Variants in CD109 observed in about 807,000 individuals in gnomAD.
CD109 encodes CD109 molecule, also known as CD109 antigen.
CD109 carries 149 observed loss-of-function variants against 165.8 expected under a neutral mutation model. That is an observed-to-expected ratio of 0.90 (90% CI 0.79 to 1.03). The LOEUF (loss-of-function observed/expected upper bound fraction) is 1.03. CD109 is among the 50% of genes least tolerant of loss of function. CD109 has a pLI of 0.00. For synonymous variants in CD109, 585 were observed against 592.1 expected (o/e 0.99, Z 0.18); for missense variants, 1,712 against 1,677.8 (o/e 1.02, Z -0.36).
chr6:73,728,385 T>G (rs1030264273), intron 3 of CD109, among the ~76,000 whole-genome samples: 10 of 152,218 alleles, frequency 6.6e-5, no homozygotes. Flanking sequence ...CATTTGAAGG[T>G]GACATACTGA....
At chr6:73,718,994 A>G (rs183577572) in intron 2 of CD109, among the ~76,000 whole-genome samples, 113 of 152,364 alleles carry the variant, frequency 7.4e-4, no homozygotes, top group African/African-American at 2.6e-3. Context: ...CGCACTAAAA[A>G]AGAAAGAGAA....
upstream of CD109, among the ~76,000 whole-genome samples, chr6:73,692,006 G>A (rs1041226629): frequency 2.0e-5 from 3 of 151,682 alleles, no homozygotes; most frequent in African/African-American, 7.3e-5. Flanking sequence ...GTATGGGCTC[G>A]TGGTATCTTA....
At chr6:73,747,275 A>G (rs1773016882) in intron 5 of CD109, among the ~76,000 whole-genome samples, 1 of 152,150 alleles carries the variant, frequency 6.6e-6, no homozygotes. Context: ...AAATATAGAG[A>G]AGTACTGTAC....
chr6:73,734,970 A>G (rs949506120), intron 4 of CD109, among the ~76,000 whole-genome samples: 1 of 152,252 alleles, frequency 6.6e-6, no homozygotes, highest in Non-Finnish European at 1.5e-5. Context: ...GGGACTTTCC[A>G]GGAAGAAGTC....
In CD109 at chr6:73,782,635, A is replaced by G. The variant is rs991939451; in HGVS notation, c.1985A>G (p.Glu662Gly). ...DGVYDNAEYA[E>G]RFMEENEGHI... ...ATAGATGACAATGCAGAATATGCTG[A>G]GAGGTTTATGGAGGAAAATGAAGGA... Residue 662 changes from glutamate (E) to glycine (G), a missense_variant, in exon 18 of 33, where the codon GAG (glutamate) becomes GGG (glycine). Glu to Gly is a moderately conservative substitution (Grantham distance 98). Coordinates refer to ENST00000287097, the MANE Select transcript of CD109 (RefSeq NM_133493.5). The G allele has an allele frequency of 3.7e-6, 6 of 1,613,488 alleles. No individual in the cohort carries two copies. The highest frequency in any genetic ancestry group is 3.3e-4 in the Middle Eastern group (2 of 6,082).
chr6:73,720,289 A>G (rs1220422468), intron 2 of CD109, among the ~76,000 whole-genome samples: 2 of 152,218 alleles, frequency 1.3e-5, no homozygotes, highest in Non-Finnish European at 1.5e-5. Context: ...GCATGATCTC[A>G]CTTATATGTG....
intron 13 of CD109, 72 bp downstream of exon 13, chr6:73,767,082 G>T: frequency 3.0e-6 from 4 of 1,348,476 alleles, no homozygotes; most frequent in Non-Finnish European, 3.1e-6. Flanking sequence ...AAGTTCTGGG[G>T]TACATGTGCA....
At chr6:73,759,901 T>C (rs533808568) in intron 7 of CD109, among the ~76,000 whole-genome samples, 88 of 152,278 alleles carry the variant, frequency 5.8e-4, no homozygotes, top group African/African-American at 2.0e-3. Context: ...TTGGATTTTT[T>C]TTTTTTTCTT....
chr6:73,797,019 T>C (rs1775188738), intron 23 of CD109, among the ~76,000 whole-genome samples: 1 of 152,226 alleles, frequency 6.6e-6, no homozygotes, highest in Non-Finnish European at 1.5e-5. Flanking sequence ...CCATCACATT[T>C]GCCAAAGTCC....
At position 73,739,820 on chromosome 6, in the gene CD109, C is replaced by G. The variant is rs1772697619; in HGVS notation, c.633+3312C>G. Among the ~76,000 whole-genome samples the G allele has an allele frequency of 2.0e-5, 3 of 152,150 alleles. No homozygotes were observed. The South Asian group carries it at 6.2e-4, about 32-fold the overall frequency. ...CCAAGATCATGCCACCGCTCTCCAGCCTGGGCGACAGAGTGATACTCTGGC... is the reference window on the plus strand; with the variant it reads ...CCAAGATCATGCCACCGCTCTCCAGGCTGGGCGACAGAGTGATACTCTGGC... On this transcript the variant is annotated intron_variant, in intron 5 of 32. Coordinates refer to ENST00000287097, the MANE Select transcript of CD109 (RefSeq NM_133493.5).
intron 5 of CD109, among the ~76,000 whole-genome samples, chr6:73,748,996 G>A (rs1361249161): frequency 6.6e-6 from 1 of 152,192 alleles, no homozygotes; most frequent in Non-Finnish European, 1.5e-5. Flanking sequence ...GGGAAAAATA[G>A]GGTATTACAT....
the CD109 span, among the ~76,000 whole-genome samples, chr6:73,690,406 T>G: frequency 2.0e-5 from 3 of 152,152 alleles, no homozygotes; most frequent in African/African-American, 4.8e-5. Flanking sequence ...ACATTTTTTT[T>G]GTTTGTTTTT....
At chr6:73,740,041 A>C (rs942722031) in intron 5 of CD109, among the ~76,000 whole-genome samples, 5 of 151,796 alleles carry the variant, frequency 3.3e-5, no homozygotes, top group African/African-American at 1.2e-4. Flanking sequence ...CCTAGTTAAA[A>C]AATTTTTTTT....
intron 5 of CD109, among the ~76,000 whole-genome samples, chr6:73,749,830 G>T (rs561829896): frequency 6.6e-6 from 1 of 152,156 alleles, no homozygotes; most frequent in Non-Finnish European, 1.5e-5. Flanking sequence ...TCATCAGTAT[G>T]TGTTGTCTTC....
chr6:73,724,014 G>A (rs1161418672), intron 3 of CD109, among the ~76,000 whole-genome samples: 1 of 152,200 alleles, frequency 6.6e-6, no homozygotes, highest in African/African-American at 2.4e-5. Flanking sequence ...GTGCCATGCT[G>A]AGACATACTA....
At chr6:73,798,508 T>C (rs1305826121) in intron 23 of CD109, among the ~76,000 whole-genome samples, 5 of 152,228 alleles carry the variant, frequency 3.3e-5, no homozygotes, top group Non-Finnish European at 7.4e-5. Context: ...TGGTTTAAGA[T>C]GAGGAAGGAA....
At chr6:73,719,897 A>G (rs1771880232) in intron 2 of CD109, among the ~76,000 whole-genome samples, 1 of 152,186 alleles carries the variant, frequency 6.6e-6, no homozygotes, top group Non-Finnish European at 1.5e-5. Context: ...TTTCACTTCA[A>G]TTCAGTATAG....
At chr6:73,801,316 A>G (rs1775353920) in intron 23 of CD109, among the ~76,000 whole-genome samples, 1 of 152,228 alleles carries the variant, frequency 6.6e-6, no homozygotes, top group East Asian at 1.9e-4. Context: ...TCCTTGTGAG[A>G]ATTACCTGAG....
chr6:73,787,964 T>A (rs1306322788), intron 21 of CD109, among the ~76,000 whole-genome samples: 1 of 152,238 alleles, frequency 6.6e-6, no homozygotes, highest in Non-Finnish European at 1.5e-5. Context: ...TAATAGGAAC[T>A]ACCTCAAAGG....
Sources: allele counts gnomAD v4.1 joint callset (sites outside exome capture counted in the v4.1 genomes callset), GRCh38; gene constraint gnomAD v4.1.1; transcripts MANE v1.5; gene names NCBI Gene and HGNC (gene_info 2026-07-23, HGNC 2026-07-21).